Variants in GLMN observed in about 807,000 individuals in gnomAD.
GLMN encodes glomulin, FKBP associated protein.
A neutral mutation model predicts 87.8 loss-of-function variants in GLMN; 75 were observed. The ratio of observed to expected loss-of-function variants is 0.85; its 90% CI spans 0.71 to 1.04. The LOEUF (loss-of-function observed/expected upper bound fraction) is 1.04, where lower values mean the gene tolerates loss of function less well. GLMN is among the 50% of genes least tolerant of loss of function. GLMN has a pLI of 0.00. For synonymous variants in GLMN, 206 were observed against 221.6 expected, an observed-to-expected ratio of 0.93 and a Z score of 0.63; for missense variants, 588 against 658.8, an observed-to-expected ratio of 0.89 and a Z score of 1.18.
the GLMN span, among the ~76,000 whole-genome samples, chr1:92,336,604 C>G: frequency 6.6e-6 from 1 of 152,112 alleles, no homozygotes; most frequent in Non-Finnish European, 1.5e-5. Flanking sequence ...TTGAATGCAA[C>G]CTTTATTTGC....
chr1:92,336,168 G>A, the GLMN span, among the ~76,000 whole-genome samples: 1 of 151,988 alleles, frequency 6.6e-6, no homozygotes, highest in African/African-American at 2.4e-5. Flanking sequence ...TGGAGTGTGG[G>A]GTTACTATGA....
chr1:92,269,809 T>TAC lies in GLMN; in HGVS notation c.924-35_924-34dup, dbSNP rs375123476. Reference sequence around the variant, plus strand: ...AGAAACAAAACAAATATATATATTATACACACACACAGAGATATGTACACA... The same window carrying TAC: ...AGAAACAAAACAAATATATATATTATACACACACACACAGAGATATGTACACA... On this transcript the variant is annotated intron_variant, in intron 8 of 18. Coordinates refer to ENST00000370360, the MANE Select transcript of GLMN (RefSeq NM_053274.3). 471 of 1,271,090 alleles carry TAC rather than the reference T, an allele frequency of 3.7e-4. 1 individual carries two copies. The African/African-American group carries it at 6.0e-3, about 16-fold the overall frequency. The allele number at this position is 1,271,090 out of a possible 1,614,324, so 78.7% of individuals were successfully genotyped here.
At chr1:92,264,514 C>T (rs374003542) in intron 14 of GLMN, 40 bp downstream of exon 14, 48 of 927,956 alleles carry the variant, frequency 5.2e-5, no homozygotes, top group Non-Finnish European at 6.8e-5. Flanking sequence ...ATATACCCTA[C>T]GAAATAAATT....
At chr1:92,350,592 T>C in the GLMN span, among the ~76,000 whole-genome samples, 1 of 152,224 alleles carries the variant, frequency 6.6e-6, no homozygotes, top group Non-Finnish European at 1.5e-5. Context: ...TTAGGCTCTT[T>C]CCACAATCTT....
At chr1:92,285,236 T>C (rs533979275) in intron 7 of GLMN, among the ~76,000 whole-genome samples, 2 of 152,232 alleles carry the variant, frequency 1.3e-5, no homozygotes, top group Admixed American at 6.5e-5. Flanking sequence ...AATGATAGAC[T>C]AGATTAAGAA....
At chr1:92,264,459 G>A in intron 14 of GLMN, 95 bp downstream of exon 14, 1 of 692,600 alleles carries the variant, frequency 1.4e-6, no homozygotes, top group South Asian at 1.6e-5. Flanking sequence ...AGTAATACTA[G>A]AGATAGAGCA....
chr1:92,249,559 T>TA (rs904941834), intron 16 of GLMN, among the ~76,000 whole-genome samples: 1 of 152,138 alleles, frequency 6.6e-6, no homozygotes, highest in African/African-American at 2.4e-5. Flanking sequence ...GTTACACGTA[T>TA]AAAATGTATA....
At chr1:92,367,722 C>A in the GLMN span, among the ~76,000 whole-genome samples, 1 of 152,174 alleles carries the variant, frequency 6.6e-6, no homozygotes, top group Non-Finnish European at 1.5e-5. Flanking sequence ...TTCCTCCAAC[C>A]CCAAACCATA....
chr1:92,254,065 G>T (rs564667275), intron 16 of GLMN, among the ~76,000 whole-genome samples: 2 of 152,280 alleles, frequency 1.3e-5, no homozygotes, highest in Admixed American at 1.3e-4. Context: ...GTTTAGAGAA[G>T]AACATAAATG....
the GLMN span, among the ~76,000 whole-genome samples, chr1:92,358,713 G>A: frequency 1.1e-4 from 17 of 151,652 alleles, no homozygotes; most frequent in South Asian, 2.1e-4. Context: ...TCAGCCTCCC[G>A]TGCAGCTGGG....
chr1:92,322,380 A>C, the GLMN span, among the ~76,000 whole-genome samples: 1 of 151,592 alleles, frequency 6.6e-6, no homozygotes, highest in Non-Finnish European at 1.5e-5. Flanking sequence ...CCCCATCTCT[A>C]CTAAAATACA....
At chr1:92,322,208 G>A in the GLMN span, among the ~76,000 whole-genome samples, 2 of 151,040 alleles carry the variant, frequency 1.3e-5, no homozygotes, top group African/African-American at 4.9e-5. Context: ...GGCCTCCCAA[G>A]GTGCTGGGAT....
chr1:92,357,384 T>C, the GLMN span, among the ~76,000 whole-genome samples: 9 of 152,172 alleles, frequency 5.9e-5, no homozygotes, highest in African/African-American at 2.2e-4. Context: ...AAAGATCTGT[T>C]TGGGGGGCCA....
At chr1:92,321,208 A>G in the GLMN span, among the ~76,000 whole-genome samples, 8 of 152,362 alleles carry the variant, frequency 5.3e-5, no homozygotes, top group South Asian at 1.4e-3. Flanking sequence ...ATATTTATTT[A>G]TTGATGTATA....
intron 3 of GLMN, among the ~76,000 whole-genome samples, chr1:92,294,497 AACT>A (rs751670177): frequency 1.1e-4 from 16 of 152,362 alleles, no homozygotes; most frequent in South Asian, 1.0e-3. Context: ...GATTAACAAT[AACT>A]ACAACAATTA....
Position 92,264,467 on chromosome 1 carries a change from G to C in GLMN, c.1299+87C>G, listed in dbSNP as rs986591795. ...AAGTAATAGTAATACTAGAGATAGA[G>C]CAATAACTCACATTAATGTATTCTA... On this transcript the variant is annotated intron_variant, in intron 14 of 18. Transcript: ENST00000370360. The C allele has an allele frequency of 2.0e-5, 14 of 713,374 alleles. No homozygotes were observed. The Admixed American group carries it at 2.9e-4, about 15-fold the overall frequency. The allele number at this position is 713,374 out of a possible 1,614,324, so 44.2% of individuals were successfully genotyped here.
chr1:92,323,161 G>A, the GLMN span, among the ~76,000 whole-genome samples: 1 of 149,526 alleles, frequency 6.7e-6, no homozygotes, highest in Non-Finnish European at 1.5e-5. Flanking sequence ...AAGTTTTGCT[G>A]TACTCCTGTA....
At chr1:92,325,276 T>G in the GLMN span, among the ~76,000 whole-genome samples, 1 of 152,142 alleles carries the variant, frequency 6.6e-6, no homozygotes, top group Non-Finnish European at 1.5e-5. Flanking sequence ...GGCTCTAAAT[T>G]TAAAAGCACA....
rs1461822210 is a variant in GLMN, at chr1:92,298,925, C to T, written c.-31G>A. 1 of 459,102 alleles carries T rather than the reference C, an allele frequency of 2.2e-6. No homozygotes were observed. Among genetic ancestry groups the T allele is most frequent in the East Asian group, 3.5e-5 (1 of 28,634 alleles). 28.4% of individuals were successfully genotyped at this position (459,102 alleles called of 1,614,324 possible). On this transcript the variant is annotated splice_region_variant and 5_prime_UTR_variant, in exon 1 of 19. Transcript: ENST00000370360. Reference sequence around the variant, plus strand: ...TGAACCTCTCCACAACTCCACTTACCGGCCAGAACCCTCGCCTCTCCCAGC... The same window carrying T: ...TGAACCTCTCCACAACTCCACTTACTGGCCAGAACCCTCGCCTCTCCCAGC...
Sources: gnomAD v4.1 joint callset for allele counts (sites outside exome capture counted in the v4.1 genomes callset) on GRCh38, gnomAD v4.1.1 for gene constraint, MANE v1.5 for transcripts, NCBI Gene and HGNC (gene_info 2026-07-23, HGNC 2026-07-21) for gene names.